Variants in EPHB1 observed in about 807,000 individuals in gnomAD.
EPHB1 encodes EPH receptor B1.
EPHB1 carries 30 observed loss-of-function variants against 94.4 expected under a neutral mutation model. The ratio of observed to expected loss-of-function variants is 0.32; its 90% CI spans 0.24 to 0.43. The LOEUF (loss-of-function observed/expected upper bound fraction) is 0.43. Among genes scored for constraint, EPHB1 ranks in the 20% least tolerant of loss-of-function variants. The pLI is 1.00. For missense variants in EPHB1, 1,055 were observed against 1,308.3 expected, an observed-to-expected ratio of 0.81 and a Z score of 2.99; for synonymous variants, 522 against 489.1, an observed-to-expected ratio of 1.07 and a Z score of -0.89.
chr3:134,812,836 G>A (rs539665510), intron 1 of EPHB1, among the ~76,000 whole-genome samples: 32 of 152,182 alleles, frequency 2.1e-4, no homozygotes, highest in South Asian at 6.2e-4. Flanking sequence ...GTTTGTTTTC[G>A]TTTGCATTTC....
chr3:134,861,030 G>C (rs1560269311), intron 1 of EPHB1, among the ~76,000 whole-genome samples: 1 of 152,146 alleles, frequency 6.6e-6, no homozygotes, highest in Non-Finnish European at 1.5e-5. Context: ...AAGATGCAGT[G>C]AGTGGAAGAG....
chr3:135,150,799 T>C (rs185659911), intron 5 of EPHB1, among the ~76,000 whole-genome samples: 1 of 152,212 alleles, frequency 6.6e-6, no homozygotes, highest in African/African-American at 2.4e-5. Flanking sequence ...TCCACATTGG[T>C]CTCCAACATG....
chr3:135,226,525 T>C (rs976129128), intron 12 of EPHB1, among the ~76,000 whole-genome samples: 3 of 152,226 alleles, frequency 2.0e-5, no homozygotes, highest in Non-Finnish European at 4.4e-5. Context: ...GGCAGCTGGG[T>C]TCTTCACAGT....
intron 10 of EPHB1, among the ~76,000 whole-genome samples, chr3:135,188,351 C>T (rs945060577): frequency 1.4e-5 from 2 of 146,678 alleles, no homozygotes; most frequent in Non-Finnish European, 3.0e-5. Flanking sequence ...AAAAATTAGC[C>T]GGGCGTTGTG....
intron 3 of EPHB1, among the ~76,000 whole-genome samples, chr3:135,101,377 C>CTT (rs34326286): frequency 1.6e-4 from 23 of 147,562 alleles, no homozygotes; most frequent in East Asian, 1.2e-3. Flanking sequence ...AGAAATGACA[C>CTT]TTTTTTTTTT....
At chr3:134,816,922 T>C (rs2036284573) in intron 1 of EPHB1, among the ~76,000 whole-genome samples, 1 of 152,000 alleles carries the variant, frequency 6.6e-6, no homozygotes, top group South Asian at 2.1e-4. Context: ...TCTGGACGAA[T>C]TCCTAGCAGA....
chr3:135,232,239 TTTAAG>T (rs1943549274), intron 12 of EPHB1, among the ~76,000 whole-genome samples: 1 of 152,244 alleles, frequency 6.6e-6, no homozygotes, highest in Non-Finnish European at 1.5e-5. Flanking sequence ...TCAGAGAGCT[TTTAAG>T]TTGAGACATT....
At chr3:134,802,947 T>A (rs1316148060) in intron 1 of EPHB1, among the ~76,000 whole-genome samples, 1 of 152,148 alleles carries the variant, frequency 6.6e-6, no homozygotes, top group Non-Finnish European at 1.5e-5. Flanking sequence ...GGTTTCAAGA[T>A]GATCTGCTTG....
At chr3:135,004,752 G>A (rs1424469121) in intron 3 of EPHB1, among the ~76,000 whole-genome samples, 5 of 150,986 alleles carry the variant, frequency 3.3e-5, no homozygotes, top group African/African-American at 4.9e-5. Context: ...TGATTGCATC[G>A]GCTCCTGAGG....
At chr3:135,117,642 TAA>T (rs1355512454) in intron 4 of EPHB1, among the ~76,000 whole-genome samples, 1 of 152,226 alleles carries the variant, frequency 6.6e-6, no homozygotes, top group African/African-American at 2.4e-5. Context: ...AGTTGAACAC[TAA>T]GGTCAATCTG....
intron 11 of EPHB1, 107 bp from the exon 12 acceptor site, chr3:135,201,367 G>T: frequency 9.2e-7 from 1 of 1,090,022 alleles, no homozygotes; most frequent in East Asian, 2.4e-5. Context: ...TGAGTGGCTT[G>T]GCCTGGAGCA....
chr3:134,795,981 C>T (rs2108280427), intron 1 of EPHB1, among the ~76,000 whole-genome samples: 1 of 152,352 alleles, frequency 6.6e-6, no homozygotes, highest in Non-Finnish European at 1.5e-5. Context: ...TCGGAGAGCT[C>T]GGAGCCCGCT....
chr3:135,152,259 T>C (rs930920583), intron 5 of EPHB1, among the ~76,000 whole-genome samples: 1 of 152,164 alleles, frequency 6.6e-6, no homozygotes, highest in African/African-American at 2.4e-5. Context: ...CTTACTTCAG[T>C]TGGTAGAAAG....
chr3:134,959,131 T>A (rs1180747596), intron 3 of EPHB1, among the ~76,000 whole-genome samples: 2 of 152,214 alleles, frequency 1.3e-5, no homozygotes, highest in Non-Finnish European at 2.9e-5. Flanking sequence ...CATATGGTTA[T>A]TACTGAGGTG....
At chr3:135,049,156 C>A (rs189729800) in intron 3 of EPHB1, among the ~76,000 whole-genome samples, 1 of 152,308 alleles carries the variant, frequency 6.6e-6, no homozygotes, top group African/African-American at 2.4e-5. Context: ...GATGCCTTGC[C>A]ATTGAGATTT....
intron 1 of EPHB1, among the ~76,000 whole-genome samples, chr3:134,814,128 G>A (rs1159974658): frequency 6.6e-6 from 1 of 152,170 alleles, no homozygotes; most frequent in East Asian, 1.9e-4. Flanking sequence ...TGCCACCGTG[G>A]CAAGAAAACC....
intron 1 of EPHB1, among the ~76,000 whole-genome samples, chr3:134,920,528 G>T (rs1244823322): frequency 1.3e-5 from 2 of 152,144 alleles, no homozygotes; most frequent in South Asian, 2.1e-4. Flanking sequence ...CTCAGAAAAG[G>T]CCTGGAAGCT....
intron 10 of EPHB1, among the ~76,000 whole-genome samples, chr3:135,184,438 A>T (rs1164677150): frequency 6.6e-6 from 1 of 152,242 alleles, no homozygotes; most frequent in Non-Finnish European, 1.5e-5. Flanking sequence ...ATCATTAATT[A>T]TTAAGTAATT....
At chr3:134,845,158 T>C (rs983802692) in intron 1 of EPHB1, among the ~76,000 whole-genome samples, 1 of 152,282 alleles carries the variant, frequency 6.6e-6, no homozygotes, top group African/African-American at 2.4e-5. Flanking sequence ...TATTGATCCT[T>C]AGTTTCTCAT....
Sources: allele counts gnomAD v4.1 joint callset (sites outside exome capture counted in the v4.1 genomes callset), GRCh38; gene constraint gnomAD v4.1.1; transcripts MANE v1.5; gene names NCBI Gene and HGNC (gene_info 2026-07-23, HGNC 2026-07-21).